IMMP2L: variants seen among roughly 807,000 people sequenced by gnomAD.
IMMP2L encodes the protein inner mitochondrial membrane peptidase subunit 2, also known as mitochondrial inner membrane protease subunit 2.
A neutral mutation model predicts 19.3 loss-of-function variants in IMMP2L; 18 were observed. That is an observed-to-expected ratio of 0.93 (90% CI 0.64 to 1.38). IMMP2L has a LOEUF of 1.38. Ranked by LOEUF, IMMP2L falls within the 40% of genes most tolerant of loss-of-function variation. The probability of loss-of-function intolerance (pLI) is 0.00; values close to 1 mark genes in which losing one functional copy is unlikely to be tolerated. For synonymous variants in IMMP2L, 76 were observed against 73.0 expected, an observed-to-expected ratio of 1.04 and a Z score of -0.21; for missense variants, 233 against 218.2, an observed-to-expected ratio of 1.07 and a Z score of -0.43.
Position 110,758,616 on chromosome 7 carries a change from C to A in IMMP2L, c.409-94895G>T, listed in dbSNP as rs899590343. On this transcript the variant is annotated intron_variant, in intron 5 of 5. Transcript: ENST00000405709. The surrounding 1 kb of genome is among the most constrained non-coding windows in gnomAD (Gnocchi z 4.6). ...GCAGATAATAATCAATCAATATTGA[C>A]TTTCAGTCTTCCTACAGTACAATCT... 5.3e-5 allele frequency among the ~76,000 whole-genome samples: 8 copies of A among 152,050 alleles called. No homozygotes were observed. Among genetic ancestry groups the A allele is most frequent in the Non-Finnish European group, 1.5e-5 (1 of 68,004 alleles).
At chr7:111,106,502 C>T (rs1306789825) in intron 3 of IMMP2L, among the ~76,000 whole-genome samples, 2 of 151,704 alleles carry the variant, frequency 1.3e-5, no homozygotes, top group Non-Finnish European at 2.9e-5. Flanking sequence ...ATGTCTTCTA[C>T]CATCACCATT....
chr7:111,329,057 G>T (rs893113511), intron 3 of IMMP2L, among the ~76,000 whole-genome samples: 1 of 151,778 alleles, frequency 6.6e-6, no homozygotes, highest in African/African-American at 2.4e-5. Flanking sequence ...TAATTTAAAA[G>T]ATCGTCACAT....
intron 5 of IMMP2L, among the ~76,000 whole-genome samples, chr7:110,795,081 G>C (rs1264991836): frequency 6.6e-6 from 1 of 152,040 alleles, no homozygotes; most frequent in Non-Finnish European, 1.5e-5. Context: ...AAGACACCAG[G>C]TGCTTTCCAA....
intron 3 of IMMP2L, among the ~76,000 whole-genome samples, chr7:111,471,393 T>G (rs1014039942): frequency 7.2e-5 from 11 of 151,980 alleles, no homozygotes; most frequent in Non-Finnish European, 1.6e-4. Context: ...GTCTCTAAAT[T>G]TGATTCATGG....
chr7:110,968,471 G>A (rs1819790245), intron 3 of IMMP2L, among the ~76,000 whole-genome samples: 1 of 152,018 alleles, frequency 6.6e-6, no homozygotes, highest in African/African-American at 2.4e-5. Context: ...CCAGAAGTTC[G>A]AGACCAGCCT....
rs140569410 is a variant in IMMP2L at position 110,758,771 on chromosome 7, C to T, written c.409-95050G>A. On this transcript the variant is annotated intron_variant, in intron 5 of 5. Coordinates refer to ENST00000405709, the MANE Select transcript of IMMP2L (RefSeq NM_032549.4). This position sits in a 1 kb window ranked among gnomAD's most constrained non-coding sequence, Gnocchi z 4.6. ...CCAACCTTTGTGAGACTTAGTTTGC[C>T]TTTAATTATAAAACGTAGTAACTAC... Among the ~76,000 whole-genome samples the T allele has an allele frequency of 9.7e-3, 1,475 of 152,124 alleles. 56 individuals are homozygous for T. Among genetic ancestry groups the T allele is most frequent in the Admixed American group, 0.064 (982 of 15,248 alleles).
At chr7:111,530,224 T>C (rs1025553036) in intron 1 of IMMP2L, among the ~76,000 whole-genome samples, 1 of 152,218 alleles carries the variant, frequency 6.6e-6, no homozygotes, top group Non-Finnish European at 1.5e-5. Flanking sequence ...ATGTGTTTGT[T>C]TTCTTTTGTT....
At chr7:111,016,371 AT>A (rs200465693) in intron 3 of IMMP2L, among the ~76,000 whole-genome samples, 4,949 of 143,076 alleles carry the variant, frequency 0.035, 117 homozygotes, top group South Asian at 0.078. Context: ...ATATATTTAT[AT>A]TTTTATATGA....
chr7:110,826,131 A>T (rs1412716251), intron 5 of IMMP2L, among the ~76,000 whole-genome samples: 1 of 152,234 alleles, frequency 6.6e-6, no homozygotes, highest in East Asian at 1.9e-4. Flanking sequence ...TCAAAGCCAC[A>T]ATGAGATACC....
chr7:111,342,183 G>A (rs1465308708), intron 3 of IMMP2L, among the ~76,000 whole-genome samples: 1 of 152,128 alleles, frequency 6.6e-6, no homozygotes, highest in African/African-American at 2.4e-5. Context: ...TTGGGAGGAA[G>A]GTTAGATTTG....
intron 3 of IMMP2L, among the ~76,000 whole-genome samples, chr7:110,989,675 A>G (rs1019668916): frequency 1.3e-5 from 2 of 150,786 alleles, no homozygotes. Flanking sequence ...AAATAAAAAT[A>G]TTAATATATA....
chr7:111,064,411 C>A (rs937409930), intron 3 of IMMP2L, among the ~76,000 whole-genome samples: 4 of 152,072 alleles, frequency 2.6e-5, no homozygotes, highest in Admixed American at 2.0e-4. Context: ...ATTACAATGC[C>A]AACTAGGTGA....
At chr7:111,384,834 G>T (rs185072381) in intron 3 of IMMP2L, among the ~76,000 whole-genome samples, 1 of 152,020 alleles carries the variant, frequency 6.6e-6, no homozygotes, top group East Asian at 1.9e-4. Context: ...TTTTTTAACT[G>T]GATAAAGTTA....
At chr7:110,841,077 G>A (rs1398143229) in intron 5 of IMMP2L, among the ~76,000 whole-genome samples, 1 of 152,012 alleles carries the variant, frequency 6.6e-6, no homozygotes, top group Non-Finnish European at 1.5e-5. Flanking sequence ...CACTTTTCAA[G>A]TTTTACATGA....
intron 3 of IMMP2L, among the ~76,000 whole-genome samples, chr7:111,419,279 A>G (rs1835254860): frequency 6.6e-6 from 1 of 151,798 alleles, no homozygotes; most frequent in Admixed American, 6.6e-5. Flanking sequence ...CTTGGAATAC[A>G]TATATTCCTG....
Position 111,123,602 on chromosome 7 carries a change from G to C in IMMP2L, c.240-160037C>G. 6.2e-7 allele frequency: 1 copy of C among 1,613,302 alleles called. No individual in the cohort carries two copies. ...AAAAATCCTATTAATAGAATACGAA[G>C]GGGTGATTTTAGCAATATGCTACAC... is the stretch of plus-strand genomic sequence containing the variant. On this transcript the variant is annotated intron_variant, in intron 3 of 5. Transcript: ENST00000405709. The surrounding 1 kb of genome is among the most constrained non-coding windows in gnomAD (Gnocchi z 6.4).
At chr7:111,256,040 A>G (rs1052122261) in intron 3 of IMMP2L, among the ~76,000 whole-genome samples, 3 of 152,110 alleles carry the variant, frequency 2.0e-5, no homozygotes, top group African/African-American at 7.2e-5. Flanking sequence ...CTCTCAAAAA[A>G]TTAAAATGAA....
chr7:111,425,858 T>TA (rs1836020899), intron 3 of IMMP2L, among the ~76,000 whole-genome samples: 1 of 151,184 alleles, frequency 6.6e-6, no homozygotes, highest in Non-Finnish European at 1.5e-5. Flanking sequence ...TAAGACTCGA[T>TA]AAAAATCTTG....
rs147718056 is a variant in IMMP2L at position 111,014,503 on chromosome 7, C to G, written c.240-50938G>C. 1.7e-3 allele frequency among the ~76,000 whole-genome samples: 266 copies of G among 152,122 alleles called. 1 individual carries two copies. The highest frequency in any genetic ancestry group is 5.2e-3 in the African/African-American group (217 of 41,492). On this transcript the variant is annotated intron_variant, in intron 3 of 5. Transcript: ENST00000405709. The stretch of plus-strand genomic sequence containing the variant: ...GAACTCTGTTTTTATCATAAGTTGA[C>G]TATTTAAAAGGCTTTTGGAATGATT...
Sources: allele counts gnomAD v4.1 joint callset (sites outside exome capture counted in the v4.1 genomes callset), GRCh38; gene constraint gnomAD v4.1.1; non-coding constraint Gnocchi (gnomAD v3.1); transcripts MANE v1.5; gene names NCBI Gene and HGNC (gene_info 2026-07-23, HGNC 2026-07-21).